PPP1R14C: variants seen among roughly 807,000 people sequenced by gnomAD.
PPP1R14C encodes the protein protein phosphatase 1 regulatory inhibitor subunit 14C.
PPP1R14C carries 16 observed loss-of-function variants against 20.4 expected under a neutral mutation model. The observed-to-expected ratio is 0.78, with a 90% CI of 0.53 to 1.19. PPP1R14C has a LOEUF of 1.19. Ranked by LOEUF, PPP1R14C falls within the 50% of genes most tolerant of loss-of-function variation. PPP1R14C has a pLI of 0.00. For missense variants in PPP1R14C, 211 were observed against 220.1 expected (o/e 0.96, Z 0.26); for synonymous variants, 91 against 91.0 (o/e 1.00, Z 0.00).
At chr6:150,161,105 C>T (rs1777361900) in intron 1 of PPP1R14C, among the ~76,000 whole-genome samples, 1 of 151,970 alleles carries the variant, frequency 6.6e-6, no homozygotes, top group African/African-American at 2.4e-5. Context: ...CATGGTGAAA[C>T]CCCATCTCTA....
At chr6:150,247,317 A>G (rs1247423983) in intron 3 of PPP1R14C, among the ~76,000 whole-genome samples, 3 of 152,186 alleles carry the variant, frequency 2.0e-5, no homozygotes, top group Admixed American at 6.6e-5. Flanking sequence ...AGAAAGTCTG[A>G]TTGGCTGTTA....
chr6:150,203,242 C>A (rs1374545147), intron 1 of PPP1R14C, among the ~76,000 whole-genome samples: 1 of 152,232 alleles, frequency 6.6e-6, no homozygotes, highest in Non-Finnish European at 1.5e-5. Flanking sequence ...TGGCCCCTGG[C>A]AATCCCTGAT....
chr6:150,173,403 C>T (rs1233737877), intron 1 of PPP1R14C, among the ~76,000 whole-genome samples: 2 of 152,074 alleles, frequency 1.3e-5, no homozygotes, highest in Non-Finnish European at 2.9e-5. Context: ...GAGCCTTTGG[C>T]ACCCTCTCCT....
intron 3 of PPP1R14C, among the ~76,000 whole-genome samples, chr6:150,223,676 T>C (rs1448758050): frequency 1.3e-5 from 2 of 152,350 alleles, no homozygotes; most frequent in East Asian, 3.9e-4. Flanking sequence ...AGTTTTCTGG[T>C]CCATCTTTTA....
In PPP1R14C at chr6:150,248,652, G is replaced by A. The variant is rs1778522446; in HGVS notation, c.424-94G>A. ...CATTCAACCAAATTCATCAACTAAGGTTAACTGCAGTTGACATCAATTACT... is the reference window on the plus strand; with the variant it reads ...CATTCAACCAAATTCATCAACTAAGATTAACTGCAGTTGACATCAATTACT... On this transcript the variant is annotated intron_variant, in intron 3 of 3. Transcript: ENST00000361131. 18 of 784,288 alleles carry A rather than the reference G, an allele frequency of 2.3e-5. No individual in the cohort carries two copies. The South Asian group carries it at 3.0e-4, about 13-fold the overall frequency. The allele number at this position is 784,288 out of a possible 1,614,324, so 48.6% of individuals were successfully genotyped here.
chr6:150,233,847 C>T (rs568709232), intron 3 of PPP1R14C, among the ~76,000 whole-genome samples: 1 of 152,174 alleles, frequency 6.6e-6, no homozygotes, highest in African/African-American at 2.4e-5. Flanking sequence ...CAGCTCAGAG[C>T]ACGCACCAGG....
In PPP1R14C at chr6:150,201,115, A is replaced by G. The variant is rs1441755777; in HGVS notation, c.307-13629A>G. 6.6e-6 allele frequency among the ~76,000 whole-genome samples: 1 copy of G among 152,240 alleles called. No individual in the cohort carries two copies. The highest frequency in any genetic ancestry group is 6.5e-5 in the Admixed American group (1 of 15,288). On this transcript the variant is annotated intron_variant, in intron 1 of 3. Transcript: ENST00000361131. This position sits in a 1 kb window ranked among gnomAD's most constrained non-coding sequence, Gnocchi z 4.2. ...AGCGATCGGCCCTATTGGGCAGGAT[A>G]CTCAGACATTCCATCTGTAAATAGA...
rs1777148615 is a variant in PPP1R14C at position 150,143,566 on chromosome 6, C to T, written c.306+68C>T. 6 of 1,193,902 alleles carry T rather than the reference C, an allele frequency of 5.0e-6. No individual in the cohort carries two copies. The highest frequency in any genetic ancestry group is 7.0e-6 in the Non-Finnish European group (6 of 856,440). The allele number at this position is 1,193,902 out of a possible 1,614,324, so 74.0% of individuals were successfully genotyped here. On this transcript the variant is annotated intron_variant, in intron 1 of 3. Coordinates refer to ENST00000361131, the MANE Select transcript of PPP1R14C (RefSeq NM_030949.3). The surrounding 1 kb of genome is among the most constrained non-coding windows in gnomAD (Gnocchi z 5.6). Reference sequence around the variant, plus strand: ...TCCTCTGTGCCCGCGCAGTAATTTTCCCGGGCTCCAGCTCCGGGGCGCGCA... The same window carrying T: ...TCCTCTGTGCCCGCGCAGTAATTTTTCCGGGCTCCAGCTCCGGGGCGCGCA...
intron 3 of PPP1R14C, among the ~76,000 whole-genome samples, chr6:150,246,729 A>G (rs1562279250): frequency 6.6e-6 from 1 of 152,214 alleles, no homozygotes; most frequent in African/African-American, 2.4e-5. Context: ...ATTTTTTATA[A>G]TTTTGAAAAG....
At chr6:150,175,975 C>T (rs975226532) in intron 1 of PPP1R14C, among the ~76,000 whole-genome samples, 4 of 152,216 alleles carry the variant, frequency 2.6e-5, no homozygotes, top group African/African-American at 9.7e-5. Context: ...CTAAACCGGC[C>T]ACACCTGTCA....
At chr6:150,218,028 C>G (rs1778116324) in intron 3 of PPP1R14C, among the ~76,000 whole-genome samples, 1 of 152,068 alleles carries the variant, frequency 6.6e-6, no homozygotes, top group African/African-American at 2.4e-5. Context: ...CTTGGTGGCC[C>G]ACACCTGTAA....
At chr6:150,166,558 CTG>C (rs1345434610) in intron 1 of PPP1R14C, among the ~76,000 whole-genome samples, 3 of 152,212 alleles carry the variant, frequency 2.0e-5, no homozygotes, top group African/African-American at 7.2e-5. Context: ...GATCCCCAAA[CTG>C]GGGCCAGCTC....
chr6:150,204,671 A>G (rs944628906), intron 1 of PPP1R14C, among the ~76,000 whole-genome samples: 6 of 152,148 alleles, frequency 3.9e-5, no homozygotes, highest in African/African-American at 1.4e-4. Flanking sequence ...TGTGGGAACT[A>G]AGGGTTAGGG....
At chr6:150,182,320 T>C (rs1241044341) in intron 1 of PPP1R14C, among the ~76,000 whole-genome samples, 1 of 152,186 alleles carries the variant, frequency 6.6e-6, no homozygotes, top group Non-Finnish European at 1.5e-5. Context: ...TACCATAGCC[T>C]GGGTAGCTTG....
chr6:150,147,243 A>C (rs1777190234), intron 1 of PPP1R14C, among the ~76,000 whole-genome samples: 1 of 151,210 alleles, frequency 6.6e-6, no homozygotes, highest in Admixed American at 6.6e-5. Context: ...GCAGTGGCGC[A>C]ATCTCAGCTC....
At chr6:150,170,789 T>C (rs796357715) in intron 1 of PPP1R14C, among the ~76,000 whole-genome samples, 4 of 151,866 alleles carry the variant, frequency 2.6e-5, no homozygotes, top group African/African-American at 9.7e-5. Flanking sequence ...TTTTTTTTTT[T>C]TTTTTAATGG....
chr6:150,168,565 A>AC (rs1320106626), intron 1 of PPP1R14C, among the ~76,000 whole-genome samples: 91 of 141,512 alleles, frequency 6.4e-4, no homozygotes, highest in African/African-American at 2.3e-3. Context: ...ACAAAACAAA[A>AC]AAACCCTTGA....
chr6:150,217,741 C>T (rs1376671178), intron 3 of PPP1R14C, among the ~76,000 whole-genome samples: 1 of 152,130 alleles, frequency 6.6e-6, no homozygotes, highest in Non-Finnish European at 1.5e-5. Flanking sequence ...TACTTTCTTC[C>T]TCTGATAAAT....
intron 1 of PPP1R14C, among the ~76,000 whole-genome samples, chr6:150,206,578 T>C (rs896239547): frequency 6.6e-6 from 1 of 152,226 alleles, no homozygotes; most frequent in Admixed American, 6.5e-5. Context: ...CCTGTTCACT[T>C]GTGTTGGAAT....
Sources: gnomAD v4.1 joint callset for allele counts (sites outside exome capture counted in the v4.1 genomes callset) on GRCh38, gnomAD v4.1.1 for gene constraint, Gnocchi (gnomAD v3.1) non-coding constraint, MANE v1.5 for transcripts, NCBI Gene and HGNC (gene_info 2026-07-23, HGNC 2026-07-21) for gene names.